PTPRK: variants seen among roughly 807,000 people sequenced by gnomAD.
The protein encoded by PTPRK is receptor-type tyrosine-protein phosphatase kappa.
Under a neutral mutation model 178.0 loss-of-function variants are expected in PTPRK, and 75 were observed. That is an observed-to-expected ratio of 0.42 (90% CI 0.35 to 0.51). PTPRK has a LOEUF of 0.51. PTPRK is among the 20% of genes least tolerant of loss of function. The pLI is 0.02. For synonymous variants in PTPRK, 637 were observed against 620.6 expected, an observed-to-expected ratio of 1.03 and a Z score of -0.39; for missense variants, 1,441 against 1,797.8, an observed-to-expected ratio of 0.80 and a Z score of 3.59.
intron 1 of PTPRK, among the ~76,000 whole-genome samples, chr6:128,469,016 C>T (rs941876797): frequency 6.6e-6 from 1 of 150,642 alleles, no homozygotes; most frequent in Admixed American, 6.6e-5. Context: ...AGAAATCTCA[C>T]AATTTTTTGA....
chr6:128,259,808 CTTTCCTTTTCATTT>C, intron 3 of PTPRK, among the ~76,000 whole-genome samples: 1 of 152,240 alleles, frequency 6.6e-6, no homozygotes, highest in Non-Finnish European at 1.5e-5. Flanking sequence ...TTAAAACATT[CTTTCCTTTTCATTT>C]AAAGAAAGTT....
At chr6:128,173,528 C>T (rs375540855) in intron 7 of PTPRK, among the ~76,000 whole-genome samples, 3 of 151,990 alleles carry the variant, frequency 2.0e-5, no homozygotes, top group Admixed American at 6.6e-5. Flanking sequence ...TGTCTGCCCT[C>T]TCTATGAACC....
intron 13 of PTPRK, among the ~76,000 whole-genome samples, chr6:128,035,362 G>A (rs1032558896): frequency 2.2e-5 from 3 of 137,744 alleles, no homozygotes; most frequent in Non-Finnish European, 4.5e-5. Context: ...GTGAAACTCT[G>A]TCTCAAAATA....
chr6:128,259,773 C>A (rs751730610), intron 3 of PTPRK, among the ~76,000 whole-genome samples: 1 of 152,122 alleles, frequency 6.6e-6, no homozygotes. Flanking sequence ...AAGTATACTA[C>A]CTTTCTAGCA....
chr6:128,205,461 A>C (rs527785369), intron 6 of PTPRK, among the ~76,000 whole-genome samples: 7 of 152,176 alleles, frequency 4.6e-5, no homozygotes, highest in African/African-American at 1.7e-4. Flanking sequence ...AAGAAATTTC[A>C]AGAAAAGGCC....
intron 13 of PTPRK, among the ~76,000 whole-genome samples, chr6:128,035,267 G>A (rs1776020810): frequency 6.6e-6 from 1 of 152,156 alleles, no homozygotes; most frequent in African/African-American, 2.4e-5. Context: ...TTGGGAGGCT[G>A]AGGTGGGAGA....
chr6:128,026,835 T>A (rs1774395828), intron 13 of PTPRK, among the ~76,000 whole-genome samples: 2 of 152,204 alleles, frequency 1.3e-5, no homozygotes. Context: ...TGTCCTATTT[T>A]ATTCACTCTG....
At position 128,270,846 on chromosome 6, in the gene PTPRK, A is replaced by G. The variant is rs542851602; in HGVS notation, c.496-28244T>C. ...ATAGACCAAGCATACTATTTGGTTAAGGAGACATCAGTGTACCAATCAGGC... is the reference window on the plus strand; with the variant it reads ...ATAGACCAAGCATACTATTTGGTTAGGGAGACATCAGTGTACCAATCAGGC... On this transcript the variant is annotated intron_variant, in intron 3 of 29. Coordinates refer to ENST00000368226, the MANE Select transcript of PTPRK (RefSeq NM_002844.4). 6.6e-5 allele frequency among the ~76,000 whole-genome samples: 10 copies of G among 152,224 alleles called. No homozygotes were observed. In the East Asian group the frequency reaches 1.7e-3, roughly 27 times the overall value.
intron 25 of PTPRK, among the ~76,000 whole-genome samples, chr6:127,978,849 C>T (rs758770996): frequency 4.6e-5 from 7 of 152,046 alleles, no homozygotes; most frequent in Non-Finnish European, 1.0e-4. Flanking sequence ...ATAGACCTGG[C>T]AAAAGGGTAC....
At chr6:128,150,822 G>A (rs1245961919) in intron 7 of PTPRK, among the ~76,000 whole-genome samples, 1 of 152,046 alleles carries the variant, frequency 6.6e-6, no homozygotes, top group Non-Finnish European at 1.5e-5. Flanking sequence ...TACACATTCT[G>A]TGTTACTCAT....
chr6:128,198,075 C>T (rs1216059730), intron 6 of PTPRK, among the ~76,000 whole-genome samples: 2 of 152,050 alleles, frequency 1.3e-5, no homozygotes, highest in African/African-American at 2.4e-5. Flanking sequence ...ACTCTCAGCT[C>T]GGGACCCAAA....
chr6:128,186,012 T>C (rs536729096), intron 6 of PTPRK, among the ~76,000 whole-genome samples: 1 of 152,144 alleles, frequency 6.6e-6, no homozygotes, highest in African/African-American at 2.4e-5. Flanking sequence ...GAATTACAAA[T>C]AACCTTAAAA....
intron 7 of PTPRK, among the ~76,000 whole-genome samples, chr6:128,169,340 A>G (rs115419788): frequency 6.6e-6 from 1 of 152,088 alleles, no homozygotes; most frequent in Non-Finnish European, 1.5e-5. Flanking sequence ...AATAAAAAAT[A>G]AACAGACCCA....
chr6:128,224,759 T>C (rs1404191131), intron 5 of PTPRK, among the ~76,000 whole-genome samples: 2 of 152,166 alleles, frequency 1.3e-5, no homozygotes, highest in African/African-American at 4.8e-5. Context: ...TCCTCACTTC[T>C]AAGGAGACAT....
intron 3 of PTPRK, among the ~76,000 whole-genome samples, chr6:128,311,034 C>T (rs1322743808): frequency 6.6e-6 from 1 of 152,102 alleles, no homozygotes; most frequent in Admixed American, 6.6e-5. Context: ...AAAGAACAAA[C>T]TTAAATGAAC....
chr6:128,208,254 T>C (rs2128263099), intron 6 of PTPRK, among the ~76,000 whole-genome samples: 1 of 150,598 alleles, frequency 6.6e-6, no homozygotes, highest in East Asian at 2.0e-4. Context: ...TGAATGACAT[T>C]CTTTGAGAAT....
At chr6:128,034,300 C>A (rs936143424) in intron 13 of PTPRK, among the ~76,000 whole-genome samples, 1 of 152,286 alleles carries the variant, frequency 6.6e-6, no homozygotes, top group Admixed American at 6.5e-5. Flanking sequence ...AATAAACCAA[C>A]AACATGATAG....
chr6:128,488,774 A>G (rs1853340536), intron 1 of PTPRK, among the ~76,000 whole-genome samples: 1 of 152,238 alleles, frequency 6.6e-6, no homozygotes, highest in Non-Finnish European at 1.5e-5. Flanking sequence ...GAAGTTTTGC[A>G]ATAAATAAAT....
intron 6 of PTPRK, among the ~76,000 whole-genome samples, chr6:128,202,224 CG>C (rs1806092872): frequency 6.6e-6 from 1 of 152,122 alleles, no homozygotes; most frequent in African/African-American, 2.4e-5. Context: ...TGGCCCACTT[CG>C]GGGAGACATG....
Sources: allele counts gnomAD v4.1 joint callset (sites outside exome capture counted in the v4.1 genomes callset), GRCh38; gene constraint gnomAD v4.1.1; transcripts MANE v1.5; gene names NCBI Gene and HGNC (gene_info 2026-07-23, HGNC 2026-07-21).